The following ANKRD27 variants were observed in gnomAD, a reference collection of about 807,000 sequenced individuals.
ANKRD27 encodes ankyrin repeat domain 27.
ANKRD27 carries 112 observed loss-of-function variants against 129.7 expected under a neutral mutation model. That is an observed-to-expected ratio of 0.86 (90% CI 0.74 to 1.01). ANKRD27 has a LOEUF of 1.01. Among genes scored for constraint, ANKRD27 ranks in the 50% least tolerant of loss-of-function variants. The pLI is 0.00. For missense variants in ANKRD27, 1,258 were observed against 1,300.5 expected (o/e 0.97, Z 0.50); for synonymous variants, 516 against 511.2 (o/e 1.01, Z -0.13).
chr19:32,610,402 T>C (rs1279494178), intron 22 of ANKRD27, among the ~76,000 whole-genome samples: 1 of 151,508 alleles, frequency 6.6e-6, no homozygotes, highest in Non-Finnish European at 1.5e-5. Context: ...AAAGGATCCC[T>C]TGGGCCCAAG....
At chr19:32,675,032 A>AG (rs1245641528) in intron 1 of ANKRD27, 39 bp downstream of exon 1, 1 of 152,078 alleles carries the variant, frequency 6.6e-6, no homozygotes, top group Non-Finnish European at 1.5e-5. Context: ...ATCCCGCGGG[A>AG]GGGGAGGCGC....
At chr19:32,639,539 C>A in intron 11 of ANKRD27, 51 bp from the exon 12 acceptor site, 1 of 1,577,420 alleles carries the variant, frequency 6.3e-7, no homozygotes, top group Admixed American at 1.8e-5. Context: ...AGTCACACTT[C>A]TGCAAAAAAA....
At chr19:32,606,090 A>C (rs1971730576) in intron 23 of ANKRD27, 136 bp from the exon 24 acceptor site, 3 of 737,614 alleles carry the variant, frequency 4.1e-6, no homozygotes, top group Non-Finnish European at 3.8e-6. Context: ...CTCAAGTTTG[A>C]TATTCTTTTG....
chr19:32,620,989 T>G (rs1237641020), intron 18 of ANKRD27, among the ~76,000 whole-genome samples: 2 of 151,692 alleles, frequency 1.3e-5, no homozygotes, highest in African/African-American at 4.8e-5. Context: ...GGATGTCCAC[T>G]CTTCTCTAAA....
At position 32,619,318 on chromosome 19, in the gene ANKRD27, C is replaced by G. The variant is rs1475935719; in HGVS notation, c.1949G>C (p.Ser650Thr). The change falls in exon 20 of 29, where the codon AGC becomes ACC. Residue 650 changes from serine to threonine, a missense_variant. Physicochemically the swap from Ser to Thr is moderately conservative, Grantham distance 58. Coordinates refer to ENST00000306065, the MANE Select transcript of ANKRD27 (RefSeq NM_032139.3). ...TGAGCTGGCTGACATGGAGGAGAAGCTGGAAGTGGAGGACTCTTGGCTGAT... is the reference window on the plus strand; with the variant it reads ...TGAGCTGGCTGACATGGAGGAGAAGGTGGAAGTGGAGGACTCTTGGCTGAT... ...DSISQESSTS[S>T]FSSMSASSRQ... 9 of 1,613,980 alleles carry G rather than the reference C, an allele frequency of 5.6e-6. No individual in the cohort carries two copies. The highest frequency in any genetic ancestry group is 7.6e-6 in the Non-Finnish European group (9 of 1,180,026).
rs1483631236 is a variant in ANKRD27, at chr19:32,666,106, T to C, written c.-30-7061A>G. ...TTTTATCATCCACATACATGGTATA[T>C]CTTTCCATGAATGTCTTCTTCGATG... On this transcript the variant is annotated intron_variant, in intron 1 of 28. Coordinates refer to ENST00000306065, the MANE Select transcript of ANKRD27 (RefSeq NM_032139.3). Among the ~76,000 whole-genome samples the C allele has an allele frequency of 2.0e-5, 3 of 152,204 alleles. No homozygotes were observed. In the East Asian group the frequency reaches 5.8e-4, roughly 29 times the overall value.
At position 32,670,784 on chromosome 19, in the gene ANKRD27, G is replaced by T. The variant is rs532158012; in HGVS notation, c.-31+4287C>A. On this transcript the variant is annotated intron_variant, in intron 1 of 28. Transcript: ENST00000306065. ...CGAGGCGGGCTGATCACTTGAGATG[G>T]AGTTCAAGACCAGCCTGGCCAACAT... 9.9e-5 allele frequency among the ~76,000 whole-genome samples: 15 copies of T among 152,176 alleles called. No individual in the cohort carries two copies. In the South Asian group the frequency reaches 2.7e-3, roughly 27 times the overall value.
chr19:32,664,202 G>A (rs1417532332), intron 1 of ANKRD27, among the ~76,000 whole-genome samples: 3 of 151,848 alleles, frequency 2.0e-5, no homozygotes, highest in Non-Finnish European at 4.4e-5. Flanking sequence ...TGTTGCAGTG[G>A]CTATTCACAG....
intron 1 of ANKRD27, among the ~76,000 whole-genome samples, chr19:32,661,603 AAAACGCTGGGATT>A (rs1719974305): frequency 6.6e-6 from 1 of 152,096 alleles, no homozygotes; most frequent in South Asian, 2.1e-4. Flanking sequence ...TCAGCCTCCC[AAAACGCTGGGATT>A]ACAGGCATGA....
intron 12 of ANKRD27, among the ~76,000 whole-genome samples, chr19:32,633,628 T>G (rs759658746): frequency 6.6e-6 from 1 of 151,512 alleles, no homozygotes; most frequent in Non-Finnish European, 1.5e-5. Context: ...CCAACCCAGA[T>G]TCTTTCAAAG....
intron 12 of ANKRD27, among the ~76,000 whole-genome samples, chr19:32,633,147 G>A (rs562293603): frequency 4.6e-5 from 7 of 152,224 alleles, no homozygotes; most frequent in African/African-American, 1.7e-4. Context: ...GATGAAGACA[G>A]GTAGGTCTCC....
chr19:32,669,722 G>A (rs1009648597), intron 1 of ANKRD27, among the ~76,000 whole-genome samples: 1 of 152,178 alleles, frequency 6.6e-6, no homozygotes, highest in Non-Finnish European at 1.5e-5. Flanking sequence ...CAGTGGTCGG[G>A]CGTGGTGGCT....
intron 20 of ANKRD27, among the ~76,000 whole-genome samples, chr19:32,618,793 C>CAAG (rs1416770701): frequency 6.6e-6 from 1 of 152,146 alleles, no homozygotes; most frequent in African/African-American, 2.4e-5. Flanking sequence ...CGCCTGTAAT[C>CAAG]CCAGTTACTT....
Position 32,640,290 on chromosome 19 carries a change from T to C in ANKRD27, c.983+17A>G. 1.2e-6 allele frequency: 2 copies of C among 1,609,766 alleles called. No individual in the cohort carries two copies. Among genetic ancestry groups the C allele is most frequent in the Non-Finnish European group, 1.7e-6 (2 of 1,176,444 alleles). On this transcript the variant is annotated intron_variant, in intron 11 of 28. Transcript: ENST00000306065. ...GCACTGCCATTTTCAAAAGAGTATC[T>C]TAAAAGAAAATGTTACCAATTAGGG...
chr19:32,626,052 T>A, intron 16 of ANKRD27, 86 bp from the exon 17 acceptor site: 1 of 1,009,258 alleles, frequency 9.9e-7, no homozygotes, highest in African/African-American at 1.6e-5. Context: ...GGAGGTCATT[T>A]GCTCCCATCT....
At position 32,599,721 on chromosome 19, in the gene ANKRD27, C is replaced by T. The variant is rs769727812; in HGVS notation, c.2902G>A (p.Glu968Lys). ...ARDRSVPNLT[E>K]GSLHEPGRQS... ...TAACTTACCTCATGCAAAGAACCTT[C>T]GGTTAAATTAGGGACACTTCTATCT... The change falls in exon 28 of 29, where the codon GAA becomes AAA. Residue 968 changes from glutamate (E) to lysine (K), a missense_variant. Transcript: ENST00000306065. 1.7e-5 allele frequency: 27 copies of T among 1,613,086 alleles called. No homozygotes were observed. Among genetic ancestry groups the T allele is most frequent in the South Asian group, 4.4e-5 (4 of 90,738 alleles).
At chr19:32,622,688 C>T in intron 17 of ANKRD27, 69 bp from the exon 18 acceptor site, 6 of 1,477,342 alleles carry the variant, frequency 4.1e-6, no homozygotes, top group Middle Eastern at 2.3e-4. Context: ...GTGCTCTCCT[C>T]GACCTCCTCA....
Position 32,619,559 on chromosome 19 carries a change from G to A in ANKRD27, c.1828-6C>T. ...GCTTCCATTACAGACAGAATCTAGGGGGACAAGGGGGATGCCAACAGTACC... is the reference window on the plus strand; with the variant it reads ...GCTTCCATTACAGACAGAATCTAGGAGGACAAGGGGGATGCCAACAGTACC... On this transcript the variant is annotated splice_polypyrimidine_tract_variant and splice_region_variant and intron_variant, in intron 18 of 28. Transcript: ENST00000306065. 1.9e-6 allele frequency: 3 copies of A among 1,614,056 alleles called. No homozygotes were observed. Among genetic ancestry groups the A allele is most frequent in the South Asian group, 1.1e-5 (1 of 91,078 alleles).
At chr19:32,616,697 C>G (rs1417024747) in intron 21 of ANKRD27, among the ~76,000 whole-genome samples, 1 of 152,130 alleles carries the variant, frequency 6.6e-6, no homozygotes, top group African/African-American at 2.4e-5. Context: ...AGGAAAGACG[C>G]CTTCCTTCAA....
Sources: gnomAD v4.1 joint callset for allele counts (sites outside exome capture counted in the v4.1 genomes callset) on GRCh38, gnomAD v4.1.1 for gene constraint, MANE v1.5 for transcripts, NCBI Gene and HGNC (gene_info 2026-07-23, HGNC 2026-07-21) for gene names.